Variants in RNF217 observed in about 807,000 individuals in gnomAD.
RNF217 encodes the protein ring finger protein 217.
A neutral mutation model predicts 57.8 loss-of-function variants in RNF217; 31 were observed. The ratio of observed to expected loss-of-function variants is 0.54; its 90% CI spans 0.40 to 0.72. The LOEUF is 0.72. RNF217 is among the 30% of genes least tolerant of loss of function. The pLI is 0.00. For missense variants in RNF217, 696 were observed against 708.3 expected (o/e 0.98, Z 0.20); for synonymous variants, 313 against 294.0 (o/e 1.06, Z -0.66).
chr6:124,986,667 C>T (rs1465378963), intron 1 of RNF217, among the ~76,000 whole-genome samples: 3 of 152,080 alleles, frequency 2.0e-5, no homozygotes, highest in African/African-American at 7.2e-5. Context: ...GAAAGGCTGG[C>T]AGACATTTTC....
At chr6:125,072,450 A>G (rs575973886) in intron 3 of RNF217, among the ~76,000 whole-genome samples, 26 of 152,294 alleles carry the variant, frequency 1.7e-4, no homozygotes, top group African/African-American at 5.8e-4. Context: ...TATTTGACCA[A>G]CGGTATTTTA....
At chr6:124,975,181 G>A (rs1783912704) in intron 1 of RNF217, among the ~76,000 whole-genome samples, 1 of 152,114 alleles carries the variant, frequency 6.6e-6, no homozygotes, top group African/African-American at 2.4e-5. Context: ...GCCACACTCA[G>A]TATTCATGAA....
At chr6:124,997,878 C>A (rs944683166) in intron 1 of RNF217, among the ~76,000 whole-genome samples, 2 of 152,086 alleles carry the variant, frequency 1.3e-5, no homozygotes, top group Non-Finnish European at 2.9e-5. Flanking sequence ...CCTGTAGTAT[C>A]CCTTTGACCT....
At chr6:124,999,716 T>C (rs1333401059) in intron 1 of RNF217, among the ~76,000 whole-genome samples, 1 of 152,180 alleles carries the variant, frequency 6.6e-6, no homozygotes, top group Non-Finnish European at 1.5e-5. Context: ...TTTTTCAACA[T>C]TGAGAAATGT....
rs1365137238 is a variant in RNF217 at position 125,086,217 on chromosome 6, G to A, written c.*3280G>A. On this transcript the variant is annotated 3_prime_UTR_variant, in exon 6 of 6. Coordinates refer to ENST00000521654, the MANE Select transcript of RNF217 (RefSeq NM_001286398.3). ...ATAAAAAGAAAGATTGTACAGGAGTGCATAATTTTTAAAGAAAATCGTCTT... is the reference window on the plus strand; with the variant it reads ...ATAAAAAGAAAGATTGTACAGGAGTACATAATTTTTAAAGAAAATCGTCTT... 6.6e-6 allele frequency: 1 copy of A among 151,924 alleles called. No homozygotes were observed. The highest frequency in any genetic ancestry group is 2.4e-5 in the African/African-American group (1 of 41,400). The allele number at this position is 151,924 out of a possible 1,614,324, so 9.4% of individuals were successfully genotyped here.
At chr6:125,070,010 AC>A (rs766093874) in intron 3 of RNF217, among the ~76,000 whole-genome samples, 16 of 151,620 alleles carry the variant, frequency 1.1e-4, no homozygotes, top group Non-Finnish European at 1.9e-4. Flanking sequence ...TCCCACTCTT[AC>A]CTCCTATTCC....
chr6:125,041,612 C>T (rs1224637231), intron 1 of RNF217, among the ~76,000 whole-genome samples: 1 of 151,984 alleles, frequency 6.6e-6, no homozygotes, highest in East Asian at 1.9e-4. Flanking sequence ...GTTCTTGTTT[C>T]CTTTGTTTGC....
intron 4 of RNF217, among the ~76,000 whole-genome samples, chr6:125,078,962 G>C (rs748257055): frequency 6.6e-6 from 1 of 152,166 alleles, no homozygotes; most frequent in Non-Finnish European, 1.5e-5. Flanking sequence ...AGAGAAGATG[G>C]AGTATAGGAA....
At position 125,083,476 on chromosome 6, in the gene RNF217, C is replaced by T. The variant is rs1164011554; in HGVS notation, c.*539C>T. 6.6e-6 allele frequency: 1 copy of T among 152,020 alleles called. No individual in the cohort carries two copies. The highest frequency in any genetic ancestry group is 1.5e-5 in the Non-Finnish European group (1 of 68,024). The allele number at this position is 152,020 out of a possible 1,614,324, so 9.4% of individuals were successfully genotyped here. A position where few individuals can be genotyped will look rare whatever the true frequency, so the allele number is the denominator to read the frequency against. On this transcript the variant is annotated 3_prime_UTR_variant, in exon 6 of 6. Coordinates refer to ENST00000521654, the MANE Select transcript of RNF217 (RefSeq NM_001286398.3). ...TTATAATTGCAAAAAATCTCAATGTCCAAAAGGGAATGAGTGAAACTAAAT... is the reference window on the plus strand; with the variant it reads ...TTATAATTGCAAAAAATCTCAATGTTCAAAAGGGAATGAGTGAAACTAAAT...
At chr6:124,980,938 T>A (rs952117095) in intron 1 of RNF217, among the ~76,000 whole-genome samples, 1 of 152,252 alleles carries the variant, frequency 6.6e-6, no homozygotes, top group African/African-American at 2.4e-5. Flanking sequence ...AAAATAGATA[T>A]GTTCCATGTG....
intron 1 of RNF217, among the ~76,000 whole-genome samples, chr6:124,987,217 T>G (rs915474468): frequency 1.1e-4 from 16 of 152,240 alleles, no homozygotes; most frequent in African/African-American, 3.4e-4. Context: ...TAAAAATTCC[T>G]TATTGAAATA....
intron 1 of RNF217, among the ~76,000 whole-genome samples, chr6:124,979,502 C>T (rs561463815): frequency 1.1e-3 from 174 of 152,180 alleles, no homozygotes; most frequent in African/African-American, 4.1e-3. Flanking sequence ...AAGATACCAG[C>T]GTGGCGCAGA....
chr6:125,002,108 T>C (rs1785012479), intron 1 of RNF217, among the ~76,000 whole-genome samples: 1 of 152,170 alleles, frequency 6.6e-6, no homozygotes, highest in Non-Finnish European at 1.5e-5. Context: ...GAGAGTAAAA[T>C]ACTGGAGAGA....
chr6:125,070,747 T>C (rs1401611578), intron 3 of RNF217, among the ~76,000 whole-genome samples: 2 of 152,190 alleles, frequency 1.3e-5, no homozygotes, highest in African/African-American at 4.8e-5. Flanking sequence ...TTGTTTCTAA[T>C]TAATTCTTCC....
intron 1 of RNF217, among the ~76,000 whole-genome samples, chr6:124,972,231 A>G (rs1783790841): frequency 6.6e-6 from 1 of 151,946 alleles, no homozygotes; most frequent in Non-Finnish European, 1.5e-5. Flanking sequence ...CTAATTAATC[A>G]CCAGGTCCTT....
intron 1 of RNF217, among the ~76,000 whole-genome samples, chr6:125,031,882 CTTT>C (rs67446157): frequency 2.0e-5 from 3 of 152,134 alleles, no homozygotes; most frequent in Admixed American, 1.3e-4. Flanking sequence ...CATTTTCACA[CTTT>C]TGACAAAGAC....
At chr6:124,977,875 G>C (rs1784024173) in intron 1 of RNF217, among the ~76,000 whole-genome samples, 1 of 152,154 alleles carries the variant, frequency 6.6e-6, no homozygotes, top group Non-Finnish European at 1.5e-5. Context: ...TTTACATAGA[G>C]AAATCTTTTC....
intron 3 of RNF217, among the ~76,000 whole-genome samples, chr6:125,063,080 A>T (rs6569411): frequency 0.017 from 2,574 of 152,298 alleles, 58 homozygotes; most frequent in African/African-American, 0.059. Flanking sequence ...TAATAGTTTT[A>T]ATATTAAATT....
At chr6:125,052,675 G>A (rs1356562918) in intron 2 of RNF217, among the ~76,000 whole-genome samples, 1 of 152,068 alleles carries the variant, frequency 6.6e-6, no homozygotes, top group Non-Finnish European at 1.5e-5. Context: ...TTCCTTGAAA[G>A]TATTTGAAGC....
Sources: allele counts gnomAD v4.1 joint callset (sites outside exome capture counted in the v4.1 genomes callset), GRCh38; gene constraint gnomAD v4.1.1; transcripts MANE v1.5; gene names NCBI Gene and HGNC (gene_info 2026-07-23, HGNC 2026-07-21).